DNAH9: variants seen among roughly 807,000 people sequenced by gnomAD.
The protein encoded by DNAH9 is DNAH9 variant protein.
A neutral mutation model predicts 471.6 loss-of-function variants in DNAH9; 345 were observed. That is an observed-to-expected ratio of 0.73 (90% CI 0.67 to 0.80). DNAH9 has a LOEUF of 0.80. DNAH9 is among the 30% of genes least tolerant of loss of function. The probability of loss-of-function intolerance (pLI) is 0.00; values close to 1 mark genes in which losing one functional copy is unlikely to be tolerated. For synonymous variants in DNAH9, 2,093 were observed against 2,123.6 expected, an observed-to-expected ratio of 0.99 and a Z score of 0.40; for missense variants, 5,407 against 5,609.2, an observed-to-expected ratio of 0.96 and a Z score of 1.15.
intron 27 of DNAH9, among the ~76,000 whole-genome samples, chr17:11,722,007 C>G (rs1247191975): frequency 6.6e-6 from 1 of 152,136 alleles, no homozygotes. Flanking sequence ...TGACCAAGTT[C>G]TATGTGTGGC....
intron 4 of DNAH9, among the ~76,000 whole-genome samples, chr17:11,615,569 A>T (rs2072723708): frequency 1.3e-5 from 2 of 151,628 alleles, no homozygotes; most frequent in African/African-American, 2.4e-5. Context: ...TGGGTGACAG[A>T]GTGAGACTCC....
intron 1 of DNAH9, among the ~76,000 whole-genome samples, chr17:11,601,482 T>C (rs2072386818): frequency 1.3e-5 from 2 of 152,180 alleles, no homozygotes; most frequent in Admixed American, 6.5e-5. Flanking sequence ...GTAAAAGCTT[T>C]TGTACGTTTA....
chr17:11,683,707 CT>C (rs1350340998), intron 19 of DNAH9, among the ~76,000 whole-genome samples: 1 of 152,024 alleles, frequency 6.6e-6, no homozygotes, highest in Non-Finnish European at 1.5e-5. Flanking sequence ...TTTCTTTGCA[CT>C]TGTATCTGCT....
At chr17:11,795,730 C>T (rs540164094) in intron 42 of DNAH9, among the ~76,000 whole-genome samples, 6 of 152,260 alleles carry the variant, frequency 3.9e-5, no homozygotes, top group Admixed American at 6.5e-5. Context: ...CTTTACAAGT[C>T]GGTCTGAGCT....
At chr17:11,609,700 TA>T (rs1443895957) in intron 2 of DNAH9, among the ~76,000 whole-genome samples, 2 of 152,210 alleles carry the variant, frequency 1.3e-5, no homozygotes, top group Admixed American at 6.5e-5. Flanking sequence ...CAAAATGTAT[TA>T]AAAAAATTTT....
At chr17:11,748,752 A>G (rs1357378142) in intron 32 of DNAH9, among the ~76,000 whole-genome samples, 2 of 152,132 alleles carry the variant, frequency 1.3e-5, no homozygotes, top group African/African-American at 4.8e-5. Context: ...AGCAGAAAAG[A>G]AAGTTGAGGG....
At chr17:11,638,268 C>T (rs1421327997) in intron 9 of DNAH9, among the ~76,000 whole-genome samples, 1 of 152,164 alleles carries the variant, frequency 6.6e-6, no homozygotes, top group Non-Finnish European at 1.5e-5. Flanking sequence ...GTGGGATTAT[C>T]CCCATGACTT....
intron 33 of DNAH9, among the ~76,000 whole-genome samples, chr17:11,754,455 T>C (rs1967292108): frequency 6.6e-6 from 1 of 152,188 alleles, no homozygotes; most frequent in Non-Finnish European, 1.5e-5. Context: ...AGTGTATAAA[T>C]GTGTTCCCTT....
intron 43 of DNAH9, among the ~76,000 whole-genome samples, chr17:11,805,786 C>A (rs761624797): frequency 1.1e-4 from 17 of 152,046 alleles, no homozygotes; most frequent in Non-Finnish European, 1.6e-4. Flanking sequence ...CTCCTAACCT[C>A]AGGTGATCCC....
chr17:11,712,675 G>T (rs960063914), intron 26 of DNAH9, among the ~76,000 whole-genome samples: 6 of 152,008 alleles, frequency 3.9e-5, no homozygotes. Flanking sequence ...AATGATTAAT[G>T]ATGTTGAGCA....
chr17:11,720,729 G>A (rs2075041995), intron 27 of DNAH9, among the ~76,000 whole-genome samples: 1 of 152,150 alleles, frequency 6.6e-6, no homozygotes, highest in Non-Finnish European at 1.5e-5. Context: ...TGATTTTGTT[G>A]TGTAGAGTTG....
At chr17:11,660,319 C>CTTTT (rs1208889792) in intron 14 of DNAH9, among the ~76,000 whole-genome samples, 144 of 97,478 alleles carry the variant, frequency 1.5e-3, no homozygotes, top group Non-Finnish European at 1.9e-3. Context: ...TTAAATGTTT[C>CTTTT]TTTTTTTTTT....
rs117522326 is a variant in DNAH9, at chr17:11,706,320, T to C, written c.5552+1135T>C. On this transcript the variant is annotated intron_variant, in intron 26 of 68. Coordinates refer to ENST00000262442, the MANE Select transcript of DNAH9 (RefSeq NM_001372.4). ...TTTTTTTAGAAAGACAGTATTTCCA[T>C]CACTTATATTAATTCACACATGAAT... Among the ~76,000 whole-genome samples, 1,093 of 152,216 alleles carry C rather than the reference T, an allele frequency of 7.2e-3. 7 individuals are homozygous for C. Among genetic ancestry groups the C allele is most frequent in the Non-Finnish European group, 0.011 (764 of 68,016 alleles).
chr17:11,826,137 T>C (rs1403339057), intron 48 of DNAH9, among the ~76,000 whole-genome samples: 1 of 152,214 alleles, frequency 6.6e-6, no homozygotes, highest in Non-Finnish European at 1.5e-5. Flanking sequence ...GTTAAGCCTG[T>C]TGTAACAGTT....
chr17:11,881,845 G>A (rs1483598601), intron 55 of DNAH9, among the ~76,000 whole-genome samples: 1 of 152,072 alleles, frequency 6.6e-6, no homozygotes, highest in Admixed American at 6.5e-5. Flanking sequence ...CCGGGAGACG[G>A]AGGTTGCAGT....
rs1405609026 is a variant in DNAH9 at position 11,719,446 on chromosome 17, A to G, written c.5665A>G (p.Ile1889Val). ...CAAGGACCTGGGCCGCGCACTGGGCATCCTGGTCTATGTGTTCAACTGCTC... is the reference window on the plus strand; with the variant it reads ...CAAGGACCTGGGCCGCGCACTGGGCGTCCTGGTCTATGTGTTCAACTGCTC... ...TTKDLGRALG[I>V]LVYVFNCSEQ... Residue 1889 changes from isoleucine to valine, a missense_variant, in exon 27 of 69, where the codon ATC (isoleucine) becomes GTC (valine). Physicochemically the swap from Ile to Val is conservative, Grantham distance 29. Coordinates refer to ENST00000262442, the MANE Select transcript of DNAH9 (RefSeq NM_001372.4). The G allele has an allele frequency of 1.9e-6, 3 of 1,613,692 alleles. No individual in the cohort carries two copies. The highest frequency in any genetic ancestry group is 1.7e-5 in the Admixed American group (1 of 59,972).
chr17:11,673,006 A>T (rs2073995437), intron 17 of DNAH9, among the ~76,000 whole-genome samples: 2 of 151,834 alleles, frequency 1.3e-5, no homozygotes, highest in Admixed American at 6.6e-5. Flanking sequence ...ATTCCCTCCC[A>T]TTCCCACCTT....
rs2072638140 is a variant in DNAH9 at position 11,611,585 on chromosome 17, T to A, written c.774-65T>A. Reference sequence around the variant, plus strand: ...TCCTCTCTTTCTGTGTGACGATGGGTCATCACAGTGTGACTTGCATTTCCT... The same window carrying A: ...TCCTCTCTTTCTGTGTGACGATGGGACATCACAGTGTGACTTGCATTTCCT... On this transcript the variant is annotated intron_variant, in intron 3 of 68. Transcript: ENST00000262442. 5.9e-6 allele frequency: 9 copies of A among 1,532,794 alleles called. 1 individual carries two copies. The South Asian group carries it at 9.4e-5, about 16-fold the overall frequency. The allele number at this position is 1,532,794 out of a possible 1,614,324, so 94.9% of individuals were successfully genotyped here.
chr17:11,704,501 C>A, intron 25 of DNAH9, 59 bp downstream of exon 25: 1 of 1,572,524 alleles, frequency 6.4e-7, no homozygotes, highest in South Asian at 1.2e-5. Flanking sequence ...GAGAACAGCA[C>A]ATACAGCCAA....
Sources: allele counts gnomAD v4.1 joint callset (sites outside exome capture counted in the v4.1 genomes callset), GRCh38; gene constraint gnomAD v4.1.1; transcripts MANE v1.5; gene names NCBI Gene and HGNC (gene_info 2026-07-23, HGNC 2026-07-21).